The following PLCXD3 variants were observed in gnomAD, a reference collection of about 807,000 sequenced individuals.
PLCXD3 encodes PI-PLC X domain-containing protein 3.
In PLCXD3, 19 loss-of-function variants were observed where a neutral mutation model predicts 25.5. The ratio of observed to expected loss-of-function variants is 0.75; its 90% confidence interval spans 0.52 to 1.09. The LOEUF (loss-of-function observed/expected upper bound fraction) is 1.09. PLCXD3 is among the 50% of genes least tolerant of loss of function. The pLI, the probability that PLCXD3 is intolerant of heterozygous loss-of-function variation, is 0.00. For synonymous variants in PLCXD3, 174 were observed against 137.6 expected (o/e 1.26, Z -1.85); for missense variants, 411 against 388.1 (o/e 1.06, Z -0.50).
At chr5:41,498,885 C>G (rs1748894150) in intron 1 of PLCXD3, among the ~76,000 whole-genome samples, 1 of 151,456 alleles carries the variant, frequency 6.6e-6, no homozygotes, top group South Asian at 2.1e-4. Flanking sequence ...ACCATGTAAA[C>G]AGAATGAAGG....
chr5:41,388,345 A>AT (rs1561255634), intron 1 of PLCXD3, among the ~76,000 whole-genome samples: 1 of 152,074 alleles, frequency 6.6e-6, no homozygotes, highest in African/African-American at 2.4e-5. Flanking sequence ...GTGCACTTCT[A>AT]TTTTTATTTA....
intron 1 of PLCXD3, among the ~76,000 whole-genome samples, chr5:41,442,878 G>A (rs888905682): frequency 7.9e-6 from 1 of 126,152 alleles, no homozygotes; most frequent in African/African-American, 2.6e-5. Flanking sequence ...AACTTGTTAT[G>A]GTTTATTTCT....
At chr5:41,481,523 A>G (rs763105825) in intron 1 of PLCXD3, among the ~76,000 whole-genome samples, 7 of 152,186 alleles carry the variant, frequency 4.6e-5, no homozygotes, top group Non-Finnish European at 8.8e-5. Context: ...TTAGGATCCT[A>G]AGGTGCAGGG....
At chr5:41,455,501 G>A in intron 1 of PLCXD3, among the ~76,000 whole-genome samples, 1 of 151,856 alleles carries the variant, frequency 6.6e-6, no homozygotes, top group East Asian at 1.9e-4. Flanking sequence ...GAGCAAAGGG[G>A]TAAGCCTTAA....
chr5:41,432,423 A>G (rs1747138436), intron 1 of PLCXD3, among the ~76,000 whole-genome samples: 1 of 152,072 alleles, frequency 6.6e-6, no homozygotes, highest in Non-Finnish European at 1.5e-5. Context: ...GATAAAGGAA[A>G]GTAAGAAGGG....
rs563765307 is a variant in PLCXD3, at chr5:41,510,405, G to T, written c.103+19C>A. ...GGAGCGGGCGCCGAGCGCCTAGCCCGCAGCCCCTGCGCGCCTACCTGGAAT... is the reference window on the plus strand; with the variant it reads ...GGAGCGGGCGCCGAGCGCCTAGCCCTCAGCCCCTGCGCGCCTACCTGGAAT... On this transcript the variant is annotated intron_variant, in intron 1 of 2. Transcript: ENST00000377801. 25 of 1,591,636 alleles carry T rather than the reference G, an allele frequency of 1.6e-5. No homozygotes were observed. Among genetic ancestry groups the T allele is most frequent in the Admixed American group, 1.2e-4 (7 of 57,814 alleles).
chr5:41,399,017 A>C (rs571432711), intron 1 of PLCXD3, among the ~76,000 whole-genome samples: 1 of 152,254 alleles, frequency 6.6e-6, no homozygotes, highest in Non-Finnish European at 1.5e-5. Flanking sequence ...AGGATATAAA[A>C]TCAACATACA....
At chr5:41,445,490 C>T (rs1489266636) in intron 1 of PLCXD3, among the ~76,000 whole-genome samples, 3 of 152,120 alleles carry the variant, frequency 2.0e-5, no homozygotes, top group Non-Finnish European at 2.9e-5. Context: ...CTATGAGTCT[C>T]CTATGGAAAT....
At chr5:41,320,552 A>G (rs1458838742) in intron 2 of PLCXD3, among the ~76,000 whole-genome samples, 2 of 152,218 alleles carry the variant, frequency 1.3e-5, no homozygotes, top group Admixed American at 6.5e-5. Context: ...ACTGGAGTGC[A>G]GTGGCGCGAT....
intron 1 of PLCXD3, among the ~76,000 whole-genome samples, chr5:41,383,851 T>G (rs1745556827): frequency 1.2e-5 from 1 of 80,072 alleles, no homozygotes; most frequent in African/African-American, 3.4e-5. Context: ...ATAAGCTATT[T>G]GAAGCATTTT....
rs117188193 is a variant in PLCXD3, at chr5:41,396,248, C to T, written c.104-13714G>A. ...TTAGATTATGGTGGTAGATTTCCCC[C>T]TTGCTGTTCTCATGGTAGTGTGCAA... On this transcript the variant is annotated intron_variant, in intron 1 of 2. Coordinates refer to ENST00000377801, the MANE Select transcript of PLCXD3 (RefSeq NM_001005473.3). 1.9e-3 allele frequency among the ~76,000 whole-genome samples: 288 copies of T among 152,184 alleles called. 2 individuals are homozygous for T. In the East Asian group the frequency reaches 0.048, roughly 26 times the overall value.
At chr5:41,358,253 G>T (rs535055921) in intron 2 of PLCXD3, among the ~76,000 whole-genome samples, 13 of 152,204 alleles carry the variant, frequency 8.5e-5, no homozygotes, top group Non-Finnish European at 1.6e-4. Context: ...TGGTAGTCAG[G>T]ACAAGCCCAG....
At chr5:41,454,365 T>C (rs1747704585) in intron 1 of PLCXD3, among the ~76,000 whole-genome samples, 1 of 151,994 alleles carries the variant, frequency 6.6e-6, no homozygotes. Flanking sequence ...ATCTAAGTGC[T>C]GGCAGATTTG....
intron 1 of PLCXD3, among the ~76,000 whole-genome samples, chr5:41,453,537 C>T (rs764531102): frequency 4.0e-5 from 6 of 151,856 alleles, no homozygotes; most frequent in African/African-American, 1.5e-4. Context: ...AAACATTTAT[C>T]GTGGTCAAGT....
chr5:41,510,553 G>A lies in PLCXD3; in HGVS notation c.-27C>T. ...GTGCCAGTCGGCGTGCAGCGCGCTG[G>A]TCCCAGCACTCCTCGGGCAGGCTGG... On this transcript the variant is annotated 5_prime_UTR_variant, in exon 1 of 3. Transcript: ENST00000377801. The A allele has an allele frequency of 6.3e-7, 1 of 1,586,680 alleles. No individual in the cohort carries two copies. The highest frequency in any genetic ancestry group is 8.6e-7 in the Non-Finnish European group (1 of 1,157,608).
intron 1 of PLCXD3, among the ~76,000 whole-genome samples, chr5:41,397,943 T>C (rs1198887327): frequency 6.6e-6 from 1 of 152,244 alleles, no homozygotes; most frequent in Non-Finnish European, 1.5e-5. Flanking sequence ...ATTTATCCAA[T>C]GCCTATTGCA....
intron 1 of PLCXD3, among the ~76,000 whole-genome samples, chr5:41,421,016 C>A (rs1044902065): frequency 1.3e-5 from 2 of 152,118 alleles, no homozygotes; most frequent in East Asian, 3.9e-4. Context: ...CCCTGATATC[C>A]TTTTACTCTC....
chr5:41,395,897 T>C (rs1399406838), intron 1 of PLCXD3, among the ~76,000 whole-genome samples: 1 of 151,290 alleles, frequency 6.6e-6, no homozygotes, highest in Non-Finnish European at 1.5e-5. Flanking sequence ...CAAATACCAA[T>C]CTGATTCAAA....
intron 1 of PLCXD3, among the ~76,000 whole-genome samples, chr5:41,427,155 A>C (rs1402994831): frequency 1.3e-5 from 2 of 152,120 alleles, no homozygotes; most frequent in Non-Finnish European, 2.9e-5. Context: ...TCATGTTTCT[A>C]ATTAAATCTG....
Sources: allele counts gnomAD v4.1 joint callset (sites outside exome capture counted in the v4.1 genomes callset), GRCh38; gene constraint gnomAD v4.1.1; transcripts MANE v1.5; gene names NCBI Gene and HGNC (gene_info 2026-07-23, HGNC 2026-07-21).